Variants in TRPM6 observed in about 807,000 individuals in gnomAD.
The protein encoded by TRPM6 is transient receptor potential cation channel subfamily M member 6.
In TRPM6, 111 loss-of-function variants were observed where a neutral mutation model predicts 247.6. That is an observed-to-expected ratio of 0.45 (90% confidence interval 0.38 to 0.52). The LOEUF (loss-of-function observed/expected upper bound fraction) is 0.52. TRPM6 is among the 20% of genes least tolerant of loss of function. The pLI is 0.00. For synonymous variants in TRPM6, 892 were observed against 853.8 expected, an observed-to-expected ratio of 1.04 and a Z score of -0.78; for missense variants, 2,126 against 2,421.5, an observed-to-expected ratio of 0.88 and a Z score of 2.56.
Position 74,739,986 on chromosome 9 carries a change from T to C in TRPM6, c.5224A>G (p.Arg1742Gly). ...LFAGEEITVYRLEESSPLNLD... is the reference protein window; with the variant it reads ...LFAGEEITVYGLEESSPLNLD... ...TTTAAAGGGGAACTCTCCTCCAACCTGTAGACAGTTATTTCTTCTCCTGCT... is the reference window on the plus strand; with the variant it reads ...TTTAAAGGGGAACTCTCCTCCAACCCGTAGACAGTTATTTCTTCTCCTGCT... The change falls in exon 34 of 39, where the codon AGG becomes GGG. Residue 1742 changes from arginine (R) to glycine (G), a missense_variant. Physicochemically the swap from Arg to Gly is moderately radical, Grantham distance 125. Around this residue, in one of 3 missense-constraint regions of TRPM6, gnomAD observed 327 missense variants for 397.7 expected, o/e 0.82. Transcript: ENST00000360774. The C allele has an allele frequency of 6.2e-7, 1 of 1,614,118 alleles. No homozygotes were observed. The highest frequency in any genetic ancestry group is 8.5e-7 in the Non-Finnish European group (1 of 1,180,016).
At chr9:74,867,880 G>A (rs1479649597) in intron 1 of TRPM6, among the ~76,000 whole-genome samples, 2 of 152,300 alleles carry the variant, frequency 1.3e-5, no homozygotes, top group African/African-American at 4.8e-5. Flanking sequence ...ATGGCCAGAC[G>A]CAGTGGCTCA....
intron 6 of TRPM6, among the ~76,000 whole-genome samples, chr9:74,833,624 G>A (rs1299082561): frequency 6.6e-6 from 1 of 152,218 alleles, no homozygotes; most frequent in South Asian, 2.1e-4. Context: ...GGAGACAAAG[G>A]TAAGAGTAAA....
At chr9:74,818,680 A>C (rs1223715117) in intron 9 of TRPM6, among the ~76,000 whole-genome samples, 1 of 152,216 alleles carries the variant, frequency 6.6e-6, no homozygotes, top group African/African-American at 2.4e-5. Flanking sequence ...TCCAAACTGG[A>C]AATAACCACT....
chr9:74,833,714 A>G (rs1317710752), intron 6 of TRPM6, among the ~76,000 whole-genome samples: 1 of 152,210 alleles, frequency 6.6e-6, no homozygotes, highest in East Asian at 1.9e-4. Flanking sequence ...TGAGAAGAAG[A>G]AATCAGATTT....
chr9:74,731,742 AG>A (rs1351326652), intron 37 of TRPM6, among the ~76,000 whole-genome samples: 1 of 150,120 alleles, frequency 6.7e-6, no homozygotes, highest in Non-Finnish European at 1.5e-5. Flanking sequence ...ACTACCACCC[AG>A]GGGTCAAGTA....
In TRPM6 at chr9:74,757,133, G is replaced by A. The variant is rs146195987; in HGVS notation, c.4786-1660C>T. Among the ~76,000 whole-genome samples the A allele has an allele frequency of 4.2e-3, 636 of 150,008 alleles. 3 individuals are homozygous for A. The highest frequency in any genetic ancestry group is 7.1e-3 in the Non-Finnish European group (477 of 67,392). ...GCGGAGGATGCAGTGAGCCAACATG[G>A]TGCCACTGCACTCCAGCCTACACGA... On this transcript the variant is annotated intron_variant, in intron 27 of 38. Transcript: ENST00000360774.
chr9:74,884,181 C>G (rs1046337814), intron 1 of TRPM6, among the ~76,000 whole-genome samples: 1 of 151,466 alleles, frequency 6.6e-6, no homozygotes, highest in Non-Finnish European at 1.5e-5. Context: ...AATAAATGCA[C>G]AAATCAAAAT....
intron 20 of TRPM6, among the ~76,000 whole-genome samples, chr9:74,786,343 T>A (rs1391200424): frequency 2.0e-5 from 3 of 152,208 alleles, no homozygotes; most frequent in Non-Finnish European, 4.4e-5. Context: ...TAATACCAGA[T>A]TGTCACTTGA....
rs142133115 is a variant in TRPM6, at chr9:74,831,151, T to G, written c.669+2847A>C. Among the ~76,000 whole-genome samples, 203 of 152,248 alleles carry G rather than the reference T, an allele frequency of 1.3e-3. 1 individual carries two copies. The highest frequency in any genetic ancestry group is 0.011 in the Admixed American group (170 of 15,290). ...CAGTACAGTATGATACTAGCTGACA[T>G]GAAAAATCAAAATGTTTCCTTGGCC... On this transcript the variant is annotated intron_variant, in intron 6 of 38. Transcript: ENST00000360774.
At position 74,833,870 on chromosome 9, in the gene TRPM6, A is replaced by T. The variant is rs79317804; in HGVS notation, c.669+128T>A. The T allele has an allele frequency of 1.4e-3, 1,746 of 1,277,560 alleles. 18 individuals are homozygous for T. In the African/African-American group the frequency reaches 0.024, roughly 17 times the overall value. 79.1% of individuals were successfully genotyped at this position (1,277,560 alleles called of 1,614,324 possible). A position where few individuals can be genotyped will look rare whatever the true frequency, so the allele number is the denominator to read the frequency against. On this transcript the variant is annotated intron_variant, in intron 6 of 38. Coordinates refer to ENST00000360774, the MANE Select transcript of TRPM6 (RefSeq NM_017662.5). ...AAGACAGGGTGAGGGAAGCAGCAGA[A>T]AGTCAGGAGTTGGTAGTGAATATAT...
intron 11 of TRPM6, among the ~76,000 whole-genome samples, chr9:74,813,015 C>T (rs1024140137): frequency 2.0e-5 from 3 of 152,168 alleles, no homozygotes; most frequent in Admixed American, 2.0e-4. Context: ...GTAAAGATCT[C>T]GAAGCTTCCC....
intron 14 of TRPM6, among the ~76,000 whole-genome samples, chr9:74,805,360 T>C (rs1828493138): frequency 6.6e-6 from 1 of 152,176 alleles, no homozygotes; most frequent in Non-Finnish European, 1.5e-5. Context: ...AGGGAGAACG[T>C]TTACCACTAG....
chr9:74,749,918 T>TTG (rs1185470445), intron 30 of TRPM6, among the ~76,000 whole-genome samples: 3 of 152,200 alleles, frequency 2.0e-5, no homozygotes, highest in African/African-American at 7.2e-5. Context: ...ACCTGCTGGG[T>TTG]ATCAACTGGC....
chr9:74,779,983 C>T (rs1251342902), intron 23 of TRPM6, among the ~76,000 whole-genome samples: 2 of 151,148 alleles, frequency 1.3e-5, no homozygotes, highest in Non-Finnish European at 2.9e-5. Context: ...ACCAGCCTGG[C>T]CAATATGGTG....
chr9:74,809,215 T>TA (rs1828639709), intron 13 of TRPM6, among the ~76,000 whole-genome samples: 1 of 152,198 alleles, frequency 6.6e-6, no homozygotes, highest in Non-Finnish European at 1.5e-5. Flanking sequence ...ACAAGTGTTA[T>TA]GATTGGTTGG....
At chr9:74,830,050 G>C (rs1210606859) in intron 6 of TRPM6, among the ~76,000 whole-genome samples, 1 of 152,118 alleles carries the variant, frequency 6.6e-6, no homozygotes. Flanking sequence ...AGGATCACTT[G>C]AGCCCAACAG....
At position 74,795,114 on chromosome 9, in the gene TRPM6, C is replaced by A. The variant is rs542765944; in HGVS notation, c.2391+1627G>T. Among the ~76,000 whole-genome samples the A allele has an allele frequency of 3.3e-4, 51 of 152,252 alleles. 1 individual carries two copies. The highest frequency in any genetic ancestry group is 1.6e-3 in the Admixed American group (24 of 15,292). On this transcript the variant is annotated intron_variant, in intron 18 of 38. Transcript: ENST00000360774. ...CAAACCCACTCCTTCTCCAGTTATC[C>A]TTGTGTCCCTTCAAGACGGCCTTGT...
In TRPM6 at chr9:74,755,802, G is replaced by A. The variant is rs370357899; in HGVS notation, c.4786-329C>T. On this transcript the variant is annotated intron_variant, in intron 27 of 38. Transcript: ENST00000360774. ...TGGAATCTCTAATGCAGCAGGTCTG[G>A]AAGGAGGAAGAATTTGAATCTCTAT... is the stretch of plus-strand genomic sequence containing the variant. Among the ~76,000 whole-genome samples, 492 of 152,258 alleles carry A rather than the reference G, an allele frequency of 3.2e-3. 2 individuals are homozygous for A. The highest frequency in any genetic ancestry group is 0.01 in the Middle Eastern group (3 of 294).
At chr9:74,851,294 T>C (rs62569730) in intron 3 of TRPM6, among the ~76,000 whole-genome samples, 5,134 of 152,030 alleles carry the variant, frequency 0.034, 182 homozygotes, top group Admixed American at 0.11. Context: ...AAAAAAAATG[T>C]CAATTCCCTC....
Sources: allele counts gnomAD v4.1 joint callset (sites outside exome capture counted in the v4.1 genomes callset), GRCh38; gene constraint gnomAD v4.1.1; regional missense constraint gnomAD v4.1.1; transcripts MANE v1.5; gene names NCBI Gene and HGNC (gene_info 2026-07-23, HGNC 2026-07-21).